CPVL: variants seen among roughly 807,000 people sequenced by gnomAD.
CPVL encodes carboxypeptidase vitellogenic like, also known as probable serine carboxypeptidase CPVL.
In CPVL, 51 loss-of-function variants were observed where a neutral mutation model predicts 63.7. The ratio of observed to expected loss-of-function variants is 0.80; its 90% CI spans 0.64 to 1.01. The LOEUF is 1.01. Ranked by LOEUF, CPVL falls within the 50% of genes least tolerant of loss-of-function variation. The pLI, the probability that CPVL is intolerant of heterozygous loss-of-function variation, is 0.00. For missense variants in CPVL, 530 were observed against 573.1 expected (o/e 0.92, Z 0.77); for synonymous variants, 195 against 206.0 (o/e 0.95, Z 0.46).
intron 6 of CPVL, among the ~76,000 whole-genome samples, chr7:29,086,751 G>C (rs1785241724): frequency 6.6e-6 from 1 of 152,190 alleles, no homozygotes; most frequent in Admixed American, 6.5e-5. Flanking sequence ...GTTTGGACAA[G>C]TGGACATCAA....
intron 12 of CPVL, among the ~76,000 whole-genome samples, chr7:29,026,231 TAAG>T (rs1322598742): frequency 3.3e-5 from 5 of 151,992 alleles, no homozygotes; most frequent in Admixed American, 2.0e-4. Context: ...TTGAATCAAT[TAAG>T]AAATCAAGAA....
chr7:29,050,938 A>T (rs1045391464), intron 11 of CPVL, among the ~76,000 whole-genome samples: 2 of 152,194 alleles, frequency 1.3e-5, no homozygotes, highest in African/African-American at 4.8e-5. Flanking sequence ...AGAACCCAGA[A>T]ACAAATCCAA....
At chr7:29,160,654 G>A (rs1562800844) in intron 5 of CPVL, among the ~76,000 whole-genome samples, 1 of 152,108 alleles carries the variant, frequency 6.6e-6, no homozygotes, top group Non-Finnish European at 1.5e-5. Flanking sequence ...CCTAATTTGG[G>A]TGGTGTGTTG....
chr7:29,022,432 T>C (rs11768045), intron 12 of CPVL, among the ~76,000 whole-genome samples: 44,253 of 151,990 alleles, frequency 0.29, 8,312 homozygotes, highest in African/African-American at 0.53. Context: ...TAGTGTGCCA[T>C]TTGAGGGCCT....
At chr7:29,047,296 T>C (rs1310675522) in intron 11 of CPVL, among the ~76,000 whole-genome samples, 1 of 152,076 alleles carries the variant, frequency 6.6e-6, no homozygotes, top group Non-Finnish European at 1.5e-5. Flanking sequence ...TCAAATGTAT[T>C]AAGCACGATA....
intron 2 of CPVL, 52 bp downstream of exon 2, chr7:29,120,841 G>GA: frequency 1.8e-6 from 2 of 1,117,218 alleles, no homozygotes; most frequent in Non-Finnish European, 2.5e-6. Context: ...AAAAAAAAGA[G>GA]AAACTGTTGA....
At chr7:29,106,556 C>T (rs1413850360) in intron 3 of CPVL, among the ~76,000 whole-genome samples, 2 of 152,040 alleles carry the variant, frequency 1.3e-5, no homozygotes, top group Non-Finnish European at 2.9e-5. Context: ...ATTCCTCCTG[C>T]AATGTCTCTC....
At chr7:29,163,348 G>C (rs1246188056) in intron 5 of CPVL, among the ~76,000 whole-genome samples, 1 of 151,926 alleles carries the variant, frequency 6.6e-6, no homozygotes, top group Non-Finnish European at 1.5e-5. Flanking sequence ...ATTGAATTAA[G>C]TAAAATATAT....
At chr7:29,118,058 T>G (rs1463070403) in intron 2 of CPVL, among the ~76,000 whole-genome samples, 2 of 152,220 alleles carry the variant, frequency 1.3e-5, no homozygotes, top group Non-Finnish European at 2.9e-5. Flanking sequence ...TTGTTTTGTG[T>G]GTATGCATCT....
At chr7:29,047,476 C>A (rs554120781) in intron 11 of CPVL, among the ~76,000 whole-genome samples, 1 of 152,138 alleles carries the variant, frequency 6.6e-6, no homozygotes, top group East Asian at 1.9e-4. Flanking sequence ...TTAACCCAGT[C>A]CAGCAAAGAT....
intron 11 of CPVL, among the ~76,000 whole-genome samples, chr7:29,057,729 C>T (rs1209449864): frequency 6.6e-6 from 1 of 152,066 alleles, no homozygotes; most frequent in Non-Finnish European, 1.5e-5. Context: ...TGGATATATC[C>T]ATTTGTTCCT....
At chr7:29,019,662 G>T (rs539772501) in intron 12 of CPVL, among the ~76,000 whole-genome samples, 46 of 152,334 alleles carry the variant, frequency 3.0e-4, no homozygotes, top group African/African-American at 1.0e-3. Context: ...GTCTAATGCT[G>T]AAAAGCAAGT....
intron 7 of CPVL, among the ~76,000 whole-genome samples, chr7:29,083,294 T>C (rs1784913797): frequency 6.6e-6 from 1 of 152,252 alleles, no homozygotes; most frequent in South Asian, 2.1e-4. Context: ...CATCATCACT[T>C]GGATCTTCCT....
In CPVL at chr7:29,163,457, C is replaced by T. The variant is rs140529688; in HGVS notation, c.-11+17833G>A. ...TCATATTATATTTCTATTTCCTGCT[C>T]TAAGCAAAGAATATGGTACCCTGAA... On this transcript the variant is annotated intron_variant, in intron 5 of 16. Transcript: ENST00000409850. Among the ~76,000 whole-genome samples the T allele has an allele frequency of 2.5e-3, 383 of 152,150 alleles. 1 individual carries two copies. The highest frequency in any genetic ancestry group is 8.8e-3 in the African/African-American group (364 of 41,514).
chr7:29,159,541 C>G (rs1794894428), intron 5 of CPVL, among the ~76,000 whole-genome samples: 1 of 152,114 alleles, frequency 6.6e-6, no homozygotes, highest in Admixed American at 6.6e-5. Context: ...CATTGTAGTT[C>G]TCCTATGTAG....
At chr7:29,180,432 C>T (rs994665375) in intron 5 of CPVL, among the ~76,000 whole-genome samples, 3 of 151,932 alleles carry the variant, frequency 2.0e-5, no homozygotes, top group African/African-American at 7.2e-5. Context: ...GAGGCTGAGG[C>T]AGGAGAATCA....
At chr7:29,146,905 C>T, upstream of CPVL, 1 of 1,551,250 alleles carries the variant, frequency 6.4e-7, no homozygotes, top group Non-Finnish European at 8.7e-7. Flanking sequence ...TTGATTCCCA[C>T]TGTTTAAAAA....
intron 5 of CPVL, among the ~76,000 whole-genome samples, chr7:29,152,316 T>G (rs538209872): frequency 6.6e-6 from 1 of 152,290 alleles, no homozygotes; most frequent in Admixed American, 6.5e-5. Context: ...ATTTAAAGGA[T>G]TCCCCCTTGA....
At chr7:29,184,910 A>C (rs1369472520) in intron 3 of CPVL, among the ~76,000 whole-genome samples, 1 of 152,206 alleles carries the variant, frequency 6.6e-6, no homozygotes, top group Non-Finnish European at 1.5e-5. Context: ...TATGTGGATA[A>C]GGACAAAAAT....
Sources: gnomAD v4.1 joint callset for allele counts (sites outside exome capture counted in the v4.1 genomes callset) on GRCh38, gnomAD v4.1.1 for gene constraint, MANE v1.5 for transcripts, NCBI Gene and HGNC (gene_info 2026-07-23, HGNC 2026-07-21) for gene names.